The following ARK2C variants were observed in gnomAD, a reference collection of about 807,000 sequenced individuals.
The protein encoded by ARK2C is arkadia (RNF111) C-terminal like ring finger ubiquitin ligase 2C.
At chr18:46,456,200 G>A in the ARK2C span, 1 of 689,584 alleles carries the variant, frequency 1.5e-6, no homozygotes, top group Non-Finnish European at 2.6e-6. Flanking sequence ...TGCCAAGTGT[G>A]CTATAATGTG....
At chr18:46,452,069 G>A in the ARK2C span, among the ~76,000 whole-genome samples, 11 of 152,244 alleles carry the variant, frequency 7.2e-5, no homozygotes, top group African/African-American at 1.7e-4. Context: ...ATACTCTAAC[G>A]GTGGATACAT....
the ARK2C span, among the ~76,000 whole-genome samples, chr18:46,360,328 G>A: frequency 1.3e-5 from 2 of 152,202 alleles, no homozygotes; most frequent in East Asian, 1.9e-4. Context: ...GAGGAACACA[G>A]AGGGTGCTCC....
chr18:46,409,237 A>G, the ARK2C span, among the ~76,000 whole-genome samples: 1 of 152,212 alleles, frequency 6.6e-6, no homozygotes, highest in Non-Finnish European at 1.5e-5. Context: ...CAAAGGAGAA[A>G]AAAGGGGAAC....
chr18:46,350,792 G>A, the ARK2C span, among the ~76,000 whole-genome samples: 1 of 152,162 alleles, frequency 6.6e-6, no homozygotes, highest in Non-Finnish European at 1.5e-5. Flanking sequence ...ACAAGCTGGC[G>A]AGCCAGGCAC....
the ARK2C span, among the ~76,000 whole-genome samples, chr18:46,343,219 G>T: frequency 1.5e-3 from 224 of 152,332 alleles, 8 homozygotes; most frequent in South Asian, 0.046. Context: ...CCCACCAGCA[G>T]CCCCTTCCAT....
chr18:46,419,912 C>T, the ARK2C span, among the ~76,000 whole-genome samples: 18 of 152,240 alleles, frequency 1.2e-4, no homozygotes, highest in African/African-American at 4.1e-4. Context: ...TCCTGTCTTC[C>T]TTTCTCATGT....
At chr18:46,414,302 A>G in the ARK2C span, among the ~76,000 whole-genome samples, 1 of 152,238 alleles carries the variant, frequency 6.6e-6, no homozygotes, top group Non-Finnish European at 1.5e-5. Context: ...CTGTGTTGGT[A>G]AACAGCAGAT....
At chr18:46,453,033 A>G in the ARK2C span, among the ~76,000 whole-genome samples, 22 of 152,330 alleles carry the variant, frequency 1.4e-4, no homozygotes, top group African/African-American at 4.1e-4. Flanking sequence ...GTGCCCAGGA[A>G]TGGTGAGCTG....
At chr18:46,423,736 G>A in the ARK2C span, among the ~76,000 whole-genome samples, 2 of 152,176 alleles carry the variant, frequency 1.3e-5, no homozygotes. Context: ...CAGATTTCCT[G>A]GCCTCCAGAT....
the ARK2C span, among the ~76,000 whole-genome samples, chr18:46,402,929 C>G: frequency 6.6e-6 from 1 of 152,216 alleles, no homozygotes; most frequent in Non-Finnish European, 1.5e-5. Context: ...AGTGCTTCCT[C>G]TAGTCTCAAC....
chr18:46,416,125 G>T, the ARK2C span, among the ~76,000 whole-genome samples: 2 of 152,152 alleles, frequency 1.3e-5, no homozygotes, highest in African/African-American at 4.8e-5. Context: ...AGCACATCTG[G>T]GAAAAGGCTG....
At chr18:46,435,674 A>G in the ARK2C span, among the ~76,000 whole-genome samples, 3,245 of 152,296 alleles carry the variant, frequency 0.021, 54 homozygotes, top group South Asian at 0.036. Context: ...GGACAGGGAT[A>G]GAAAACATTT....
the ARK2C span, among the ~76,000 whole-genome samples, chr18:46,387,364 G>A: frequency 6.6e-6 from 1 of 152,368 alleles, no homozygotes; most frequent in Non-Finnish European, 1.5e-5. Context: ...GAACCACTCT[G>A]AAGTAAGGAA....
chr18:46,435,407 A>G, the ARK2C span: 1 of 1,600,274 alleles, frequency 6.2e-7, no homozygotes, highest in Non-Finnish European at 8.6e-7. Flanking sequence ...GTGAGTCTTC[A>G]GGGCCCCTGG....
At chr18:46,379,491 A>G in the ARK2C span, among the ~76,000 whole-genome samples, 1 of 152,212 alleles carries the variant, frequency 6.6e-6, no homozygotes, top group Admixed American at 6.5e-5. Flanking sequence ...CAGAGAGGTT[A>G]AGTGACCTAC....
the ARK2C span, chr18:46,433,177 C>T: frequency 1.3e-6 from 2 of 1,560,606 alleles, no homozygotes; most frequent in Non-Finnish European, 1.7e-6. Flanking sequence ...ATGTCTCTGT[C>T]CTTGCCTTCC....
the ARK2C span, among the ~76,000 whole-genome samples, chr18:46,398,557 T>C: frequency 6.6e-6 from 1 of 151,734 alleles, no homozygotes; most frequent in East Asian, 1.9e-4. Context: ...GGCCGGGACT[T>C]TAGTGCTAGA....
the ARK2C span, among the ~76,000 whole-genome samples, chr18:46,436,913 G>A: frequency 6.6e-6 from 1 of 152,218 alleles, no homozygotes; most frequent in South Asian, 2.1e-4. Flanking sequence ...ATGGCTGAGT[G>A]ATTGGAACAC....
At chr18:46,442,008 C>CAAAAAA in the ARK2C span, among the ~76,000 whole-genome samples, 1 of 146,870 alleles carries the variant, frequency 6.8e-6, no homozygotes, top group African/African-American at 2.5e-5. Flanking sequence ...ACTAAAAATA[C>CAAAAAA]AAAAATTAGC....
Sources: allele counts gnomAD v4.1 joint callset (sites outside exome capture counted in the v4.1 genomes callset), GRCh38; gene constraint gnomAD v4.1.1; transcripts MANE v1.5; gene names NCBI Gene and HGNC (gene_info 2026-07-23, HGNC 2026-07-21).